Variants in GABPA observed in about 807,000 individuals in gnomAD.
The protein encoded by GABPA is GA binding protein transcription factor subunit alpha, also known as GA-binding protein alpha chain.
GABPA carries 4 observed loss-of-function variants against 59.4 expected under a neutral mutation model. That is an observed-to-expected ratio of 0.07 (90% CI 0.03 to 0.15). GABPA has a LOEUF of 0.15. Ranked by LOEUF, GABPA falls within the 10% of genes least tolerant of loss-of-function variation. The pLI, the probability that GABPA is intolerant of heterozygous loss-of-function variation, is 1.00. For synonymous variants in GABPA, 164 were observed against 183.1 expected (o/e 0.90, Z 0.84); for missense variants, 251 against 543.8 (o/e 0.46, Z 5.36).
chr21:25,746,920 T>A (rs1293479605), intron 3 of GABPA, among the ~76,000 whole-genome samples: 1 of 152,164 alleles, frequency 6.6e-6, no homozygotes, highest in Non-Finnish European at 1.5e-5. Flanking sequence ...TTTGATAGAA[T>A]AGAATTCGAG....
At chr21:25,741,423 C>T (rs752736602) in intron 1 of GABPA, 150 bp from the exon 2 acceptor site, 9 of 403,424 alleles carry the variant, frequency 2.2e-5, no homozygotes, top group Non-Finnish European at 4.1e-5. Context: ...CATGAGCCAC[C>T]ACACCCAGCT....
chr21:25,749,967 G>A (rs142948279), intron 4 of GABPA, among the ~76,000 whole-genome samples: 5 of 152,264 alleles, frequency 3.3e-5, no homozygotes, highest in Admixed American at 2.6e-4. Context: ...TTACATTATG[G>A]TGTGCTTTGT....
chr21:25,756,313 C>T (rs1261180780), intron 5 of GABPA, among the ~76,000 whole-genome samples: 1 of 152,166 alleles, frequency 6.6e-6, no homozygotes, highest in Non-Finnish European at 1.5e-5. Flanking sequence ...ATAGTACTCA[C>T]AGATAAGGCA....
rs1226872152 is a variant in GABPA at position 25,751,965 on chromosome 21, A to G, written c.308-24A>G. ...CTTCTGCGTTTTCATTTAGATTTAC[A>G]ATTTTTTTTTATCCACTGTTCAGGA... On this transcript the variant is annotated intron_variant, in intron 4 of 9. Transcript: ENST00000400075. 5 of 1,602,766 alleles carry G rather than the reference A, an allele frequency of 3.1e-6. No individual in the cohort carries two copies. The South Asian group carries it at 3.3e-5, about 11-fold the overall frequency.
In GABPA at chr21:25,736,448, T is replaced by G. The variant is rs529305104; in HGVS notation, c.-27+870T>G. On this transcript the variant is annotated intron_variant, in intron 1 of 9. Coordinates refer to ENST00000400075, the MANE Select transcript of GABPA (RefSeq NM_002040.4). Reference sequence around the variant, plus strand: ...ACCGCTCAACTCTTTAGCAACTGCTTGAGGGACTAGCCTGTCTCTCAGGGT... The same window carrying G: ...ACCGCTCAACTCTTTAGCAACTGCTGGAGGGACTAGCCTGTCTCTCAGGGT... 4.6e-5 allele frequency among the ~76,000 whole-genome samples: 7 copies of G among 152,268 alleles called. No homozygotes were observed. In the South Asian group the frequency reaches 1.5e-3, roughly 32 times the overall value.
Position 25,769,921 on chromosome 21 carries a change from C to G in GABPA, c.*689C>G, listed in dbSNP as rs2035975958. The G allele has an allele frequency of 6.6e-6, 1 of 152,436 alleles. No individual in the cohort carries two copies. Among genetic ancestry groups the G allele is most frequent in the Non-Finnish European group, 1.5e-5 (1 of 67,982 alleles). 9.4% of individuals were successfully genotyped at this position (152,436 alleles called of 1,614,324 possible). ...TCTGTATAGATTACTCATGTCAGAC[C>G]AAGAATTTAAATTATTTTGAGAGAG... On this transcript the variant is annotated 3_prime_UTR_variant, in exon 10 of 10. Coordinates refer to ENST00000400075, the MANE Select transcript of GABPA (RefSeq NM_002040.4).
Position 25,752,422 on chromosome 21 carries a change from A to C in GABPA, c.553+188A>C, listed in dbSNP as rs903888423. 4 of 639,684 alleles carry C rather than the reference A, an allele frequency of 6.3e-6. No individual in the cohort carries two copies. The African/African-American group carries it at 7.3e-5, about 12-fold the overall frequency. The allele number at this position is 639,684 out of a possible 1,614,324, so 39.6% of individuals were successfully genotyped here. A position where few individuals can be genotyped will look rare whatever the true frequency, so the allele number is the denominator to read the frequency against. On this transcript the variant is annotated intron_variant, in intron 5 of 9. Transcript: ENST00000400075. ...GGTGGACAAATTCTGTCCTGCGTGC[A>C]GGAAATACAAAGAAGTCTAAAAAAT...
intron 5 of GABPA, among the ~76,000 whole-genome samples, chr21:25,752,575 CAA>C (rs1401556005): frequency 1.7e-4 from 26 of 152,046 alleles, no homozygotes; most frequent in Admixed American, 1.6e-3. Flanking sequence ...ATTGGAATCT[CAA>C]AGAGATCATA....
chr21:25,743,768 A>C (rs1052986104), intron 2 of GABPA, among the ~76,000 whole-genome samples: 2 of 152,026 alleles, frequency 1.3e-5, no homozygotes, highest in African/African-American at 4.8e-5. Flanking sequence ...AAAAGAAAAA[A>C]CTGGCCTGAC....
chr21:25,738,321 G>C (rs1286757903), intron 1 of GABPA, among the ~76,000 whole-genome samples: 1 of 152,142 alleles, frequency 6.6e-6, no homozygotes, highest in Non-Finnish European at 1.5e-5. Flanking sequence ...TTTGTATCCT[G>C]AGTTATTTTG....
At chr21:25,742,756 A>G (rs1322952646) in intron 2 of GABPA, among the ~76,000 whole-genome samples, 4 of 17,046 alleles carry the variant, frequency 2.3e-4, no homozygotes, top group Admixed American at 9.5e-4. Flanking sequence ...TCTACAAAAC[A>G]TACAAAAAAA....
rs1020244557 is a variant in GABPA, at chr21:25,742,239, A to G, written c.77+564A>G. On this transcript the variant is annotated intron_variant, in intron 2 of 9. Coordinates refer to ENST00000400075, the MANE Select transcript of GABPA (RefSeq NM_002040.4). ...AGTAGTAATGAGTTCAGAATCCAGG[A>G]GAGAACATGGGTAGAAATAGACTTT... Among the ~76,000 whole-genome samples, 6 of 102,348 alleles carry G rather than the reference A, an allele frequency of 5.9e-5. No individual in the cohort carries two copies. The East Asian group carries it at 1.7e-3, about 30-fold the overall frequency. 67.1% of individuals were successfully genotyped at this position (102,348 alleles called of 152,430 possible).
Position 25,764,224 on chromosome 21 carries a change from C to G in GABPA, c.817C>G (p.Pro273Ala). 2 of 1,595,704 alleles carry G rather than the reference C, an allele frequency of 1.3e-6. No individual in the cohort carries two copies. Among genetic ancestry groups the G allele is most frequent in the Non-Finnish European group, 1.7e-6 (2 of 1,173,822 alleles). ...TGTCTTTGCAGCTGTGCAAATTATT[C>G]CAGCATCAGTGCAATCTGCTACACC... ...VTIDQPVQII[P>A]ASVQSATPTT... The change falls in exon 8 of 10, where the codon CCA (proline) becomes GCA (alanine). Residue 273 changes from proline (P) to alanine (A), a missense_variant. Transcript: ENST00000400075.
At chr21:25,758,264 A>G (rs1326910857) in intron 6 of GABPA, 60 bp downstream of exon 6, 2 of 1,251,482 alleles carry the variant, frequency 1.6e-6, no homozygotes, top group Non-Finnish European at 2.2e-6. Context: ...TTTCCTTGTA[A>G]CTTTGTTTTC....
At chr21:25,751,641 C>G (rs66472229) in intron 4 of GABPA, among the ~76,000 whole-genome samples, 3 of 151,722 alleles carry the variant, frequency 2.0e-5, no homozygotes, top group Non-Finnish European at 2.9e-5. Context: ...TATACTCTGC[C>G]TAGTCTAATT....
At chr21:25,765,876 C>T (rs2035879158) in intron 9 of GABPA, among the ~76,000 whole-genome samples, 1 of 151,892 alleles carries the variant, frequency 6.6e-6, no homozygotes. Flanking sequence ...AGTTTCAGTG[C>T]AGCAACTTAG....
rs182999771 is a variant in GABPA, at chr21:25,736,161, C to T, written c.-27+583C>T. Among the ~76,000 whole-genome samples, 286 of 152,180 alleles carry T rather than the reference C, an allele frequency of 1.9e-3. 1 individual carries two copies. Among genetic ancestry groups the T allele is most frequent in the Non-Finnish European group, 2.4e-3 (164 of 68,014 alleles). ...GTCTACTTGGAAATTTTTTTGTGTA[C>T]TAGAAGACACGCTGTATGTGCGTGT... On this transcript the variant is annotated intron_variant, in intron 1 of 9. Coordinates refer to ENST00000400075, the MANE Select transcript of GABPA (RefSeq NM_002040.4).
intron 4 of GABPA, 25 bp from the exon 5 acceptor site, chr21:25,751,964 C>T (rs1025176809): frequency 1.2e-5 from 19 of 1,601,690 alleles, no homozygotes; most frequent in Non-Finnish European, 1.5e-5. Context: ...TTTAGATTTA[C>T]AATTTTTTTT....
rs1478715482 is a variant in GABPA, at chr21:25,771,364, T to C, written c.*2132T>C. ...TATGGTTTTTTTTTAAATCATATTT[T>C]ATTCATTTTCTCCCTTTAGCAATTT... On this transcript the variant is annotated 3_prime_UTR_variant, in exon 10 of 10. Transcript: ENST00000400075. 9 of 151,916 alleles carry C rather than the reference T, an allele frequency of 5.9e-5. No homozygotes were observed. The South Asian group carries it at 1.2e-3, about 21-fold the overall frequency. The allele number at this position is 151,916 out of a possible 1,614,324, so 9.4% of individuals were successfully genotyped here.
Sources: allele counts gnomAD v4.1 joint callset (sites outside exome capture counted in the v4.1 genomes callset), GRCh38; gene constraint gnomAD v4.1.1; transcripts MANE v1.5; gene names NCBI Gene and HGNC (gene_info 2026-07-23, HGNC 2026-07-21).